Variants in DYRK1A observed in about 807,000 individuals in gnomAD.
DYRK1A encodes the protein dual specificity tyrosine phosphorylation regulated kinase 1A.
In DYRK1A, 9 loss-of-function variants were observed where a neutral mutation model predicts 79.7. The observed-to-expected ratio is 0.11, with a 90% confidence interval of 0.07 to 0.20. DYRK1A has a LOEUF of 0.20. Ranked by LOEUF, DYRK1A falls within the 10% of genes least tolerant of loss-of-function variation. The pLI is 1.00. For missense variants in DYRK1A, 622 were observed against 956.0 expected (o/e 0.65, Z 4.61); for synonymous variants, 349 against 329.7 (o/e 1.06, Z -0.63).
intron 8 of DYRK1A, among the ~76,000 whole-genome samples, chr21:37,494,173 T>G (rs2148622133): frequency 6.6e-6 from 1 of 152,108 alleles, no homozygotes; most frequent in East Asian, 1.9e-4. Flanking sequence ...ATTACAGGCG[T>G]GAGCCACTGT....
At chr21:37,366,183 G>C (rs1305934506), upstream of DYRK1A, 1 of 151,130 alleles carries the variant, frequency 6.6e-6, no homozygotes, top group Non-Finnish European at 1.5e-5. Context: ...CGCCCGGACC[G>C]CGGTGAGAGC....
At chr21:37,375,041 C>T (rs2049509918) in intron 1 of DYRK1A, 1 of 152,176 alleles carries the variant, frequency 6.6e-6, no homozygotes, top group African/African-American at 2.4e-5. Flanking sequence ...GTTCTTTGTT[C>T]TTTCTACAGA....
chr21:37,420,622 T>G (rs556146717), intron 2 of DYRK1A, among the ~76,000 whole-genome samples: 2 of 152,124 alleles, frequency 1.3e-5, no homozygotes, highest in Non-Finnish European at 1.5e-5. Context: ...CTTAGGCTTT[T>G]CAAGAGCTAA....
chr21:37,467,431 A>C (rs947692728), intron 2 of DYRK1A, among the ~76,000 whole-genome samples: 4 of 152,128 alleles, frequency 2.6e-5, no homozygotes, highest in African/African-American at 9.7e-5. Context: ...GGGTCTCACT[A>C]TGTTGTCTAG....
intron 11 of DYRK1A, among the ~76,000 whole-genome samples, chr21:37,507,706 G>A (rs984158309): frequency 7.9e-6 from 1 of 126,712 alleles, no homozygotes; most frequent in Non-Finnish European, 1.5e-5. Context: ...TGTCTGTTTC[G>A]TTTTTTTTCT....
chr21:37,418,877 C>G (rs549176681), intron 1 of DYRK1A: 2 of 152,182 alleles, frequency 1.3e-5, no homozygotes, highest in Admixed American at 1.3e-4. Context: ...GGAATATAGG[C>G]AAAGATTTCA....
At chr21:37,377,408 C>T (rs779978444) in intron 1 of DYRK1A, among the ~76,000 whole-genome samples, 10 of 152,044 alleles carry the variant, frequency 6.6e-5, no homozygotes, top group Non-Finnish European at 1.5e-4. Flanking sequence ...CTTGAGCCAC[C>T]GTGCCCCGCA....
At chr21:37,511,817 A>G (rs1294700124) in intron 11 of DYRK1A, 94 bp from the exon 12 acceptor site, 3 of 1,394,232 alleles carry the variant, frequency 2.2e-6, no homozygotes, top group African/African-American at 2.9e-5. Flanking sequence ...CCTGATTAAT[A>G]TGATGCTAGT....
chr21:37,446,425 A>G (rs929133662), intron 2 of DYRK1A, among the ~76,000 whole-genome samples: 3 of 152,222 alleles, frequency 2.0e-5, no homozygotes, highest in African/African-American at 7.2e-5. Flanking sequence ...AAAATGGCCT[A>G]CTAAGGTCTG....
At chr21:37,497,956 AAG>A (rs1273817594) in intron 9 of DYRK1A, among the ~76,000 whole-genome samples, 3 of 152,076 alleles carry the variant, frequency 2.0e-5, no homozygotes, top group Non-Finnish European at 4.4e-5. Context: ...TTTTGCTTTT[AAG>A]AGATAAATTT....
intron 1 of DYRK1A, chr21:37,418,762 A>G (rs151241067): frequency 2.2e-4 from 33 of 152,312 alleles, no homozygotes; most frequent in African/African-American, 6.3e-4. Flanking sequence ...CCATCTAGTC[A>G]TACACCCCCC....
chr21:37,512,600 G>A lies in DYRK1A; in HGVS notation c.*69G>A. The A allele has an allele frequency of 1.3e-6, 2 of 1,545,436 alleles. No individual in the cohort carries two copies. The highest frequency in any genetic ancestry group is 1.8e-6 in the Non-Finnish European group (2 of 1,141,262). ...GTGGTGTTTTTTTTCCAAAAACAAA[G>A]TGCAAAGCTGCTTGAATCAGGAGGA... On this transcript the variant is annotated 3_prime_UTR_variant, in exon 12 of 12. Coordinates refer to ENST00000647188, the MANE Select transcript of DYRK1A (RefSeq NM_001347721.2).
intron 9 of DYRK1A, among the ~76,000 whole-genome samples, chr21:37,498,827 A>G (rs948172833): frequency 3.3e-5 from 5 of 152,032 alleles, no homozygotes; most frequent in Non-Finnish European, 4.4e-5. Flanking sequence ...ACCATTTTGT[A>G]TGGTTTGTCT....
At chr21:37,377,556 C>T (rs141590468) in intron 1 of DYRK1A, among the ~76,000 whole-genome samples, 2 of 152,260 alleles carry the variant, frequency 1.3e-5, no homozygotes, top group South Asian at 4.1e-4. Flanking sequence ...GCAGCCTTGA[C>T]CTCCTGGGTT....
At chr21:37,460,984 C>T (rs2051819797) in intron 2 of DYRK1A, among the ~76,000 whole-genome samples, 1 of 152,078 alleles carries the variant, frequency 6.6e-6, no homozygotes, top group African/African-American at 2.4e-5. Flanking sequence ...GATGGTATTA[C>T]CAAAAATAAA....
chr21:37,438,937 T>TC (rs59140564), intron 2 of DYRK1A, among the ~76,000 whole-genome samples: 54,829 of 151,880 alleles, frequency 0.36, 10,872 homozygotes, highest in African/African-American at 0.53. Flanking sequence ...CTGTATTGAT[T>TC]TTTGGACCCG....
chr21:37,452,352 GA>G (rs1180383965), intron 2 of DYRK1A, among the ~76,000 whole-genome samples: 2 of 147,614 alleles, frequency 1.4e-5, no homozygotes, highest in Non-Finnish European at 3.0e-5. Flanking sequence ...GATTGAGGGG[GA>G]TTGAGGTAAA....
chr21:37,515,147 T>C lies in DYRK1A; in HGVS notation c.*2616T>C, dbSNP rs928647262. 2 of 152,668 alleles carry C rather than the reference T, an allele frequency of 1.3e-5. No individual in the cohort carries two copies. Among genetic ancestry groups the C allele is most frequent in the African/African-American group, 2.4e-5 (1 of 41,466 alleles). The allele number at this position is 152,668 out of a possible 1,614,324, so 9.5% of individuals were successfully genotyped here. A position where few individuals can be genotyped will look rare whatever the true frequency, so the allele number is the denominator to read the frequency against. ...TTTGTATTATAGTCATGCGGTCTTATGTATGATAAACAGTTGAATAATTTG... is the reference window on the plus strand; with the variant it reads ...TTTGTATTATAGTCATGCGGTCTTACGTATGATAAACAGTTGAATAATTTG... On this transcript the variant is annotated 3_prime_UTR_variant, in exon 12 of 12. Coordinates refer to ENST00000647188, the MANE Select transcript of DYRK1A (RefSeq NM_001347721.2).
chr21:37,436,357 C>A (rs2050924527), intron 2 of DYRK1A, among the ~76,000 whole-genome samples: 1 of 152,130 alleles, frequency 6.6e-6, no homozygotes, highest in Non-Finnish European at 1.5e-5. Context: ...ACTCCGGGGC[C>A]TTAGGTGTGT....
Sources: allele counts gnomAD v4.1 joint callset (sites outside exome capture counted in the v4.1 genomes callset), GRCh38; gene constraint gnomAD v4.1.1; transcripts MANE v1.5; gene names NCBI Gene and HGNC (gene_info 2026-07-23, HGNC 2026-07-21).